Variants in ZNF628 observed in about 807,000 individuals in gnomAD.
ZNF628 encodes the protein zinc finger protein 628.
In ZNF628, 3 loss-of-function variants were observed where a neutral mutation model predicts 2.5. The ratio of observed to expected loss-of-function variants is 1.19; its 90% CI spans 0.54 to 3.07. The LOEUF (loss-of-function observed/expected upper bound fraction) is 3.07. Ranked by LOEUF, ZNF628 falls within the 30% of genes most tolerant of loss-of-function variation. The pLI is 0.03. For missense variants in ZNF628, 1,610 were observed against 1,517.1 expected, an observed-to-expected ratio of 1.06 and a Z score of -1.02; for synonymous variants, 861 against 717.1, an observed-to-expected ratio of 1.20 and a Z score of -3.21.
In ZNF628 at chr19:55,479,105, T is replaced by G. The variant is rs998756075; in HGVS notation, c.-77-729T>G. 6.6e-6 allele frequency among the ~76,000 whole-genome samples: 1 copy of G among 152,020 alleles called. No homozygotes were observed. The highest frequency in any genetic ancestry group is 2.4e-5 in the African/African-American group (1 of 41,374). ...AGAGGACAGACAGAGGACAAAGTGGTGCCGGAGCCCCGGGCGCTCCCACAT... is the reference window on the plus strand; with the variant it reads ...AGAGGACAGACAGAGGACAAAGTGGGGCCGGAGCCCCGGGCGCTCCCACAT... On this transcript the variant is annotated intron_variant, in intron 1 of 2. Coordinates refer to ENST00000598519, the MANE Select transcript of ZNF628 (RefSeq NM_033113.3). This position sits in a 1 kb window ranked among gnomAD's most constrained non-coding sequence, Gnocchi z 5.1.
In ZNF628 at chr19:55,481,995, C is replaced by A. The variant is rs982194756; in HGVS notation, c.802C>A (p.Pro268Thr). 7.7e-5 allele frequency: 112 copies of A among 1,463,598 alleles called. 1 individual carries two copies. The African/African-American group carries it at 1.5e-3, about 20-fold the overall frequency. 90.7% of individuals were successfully genotyped at this position (1,463,598 alleles called of 1,614,324 possible). A position where few individuals can be genotyped will look rare whatever the true frequency, so the allele number is the denominator to read the frequency against. The part of the protein sequence containing the change: ...RHLQPHSPPA[P>T]PAPPPPPPPV... ...CCTCCAGCCCCACAGCCCGCCCGCG[C>A]CTCCCGCCCCGCCGCCCCCGCCCCC... The change falls in exon 3 of 3, where the codon CCT (proline) becomes ACT (threonine). Residue 268 changes from proline to threonine, a missense_variant. Physicochemically the swap from Pro to Thr is conservative, Grantham distance 38 (BLOSUM62 -1). Transcript: ENST00000598519.
In ZNF628 at chr19:55,482,645, T is replaced by C. The variant is rs1392406021; in HGVS notation, c.1452T>C (p.Cys484=). 6.2e-7 allele frequency: 1 copy of C among 1,604,204 alleles called. No homozygotes were observed. The highest frequency in any genetic ancestry group is 1.1e-5 in the South Asian group (1 of 90,530). Reference sequence around the variant, plus strand: ...ACACGGGCGAGCGGCCCTACCAGTGTGGCGAGTGCGGCAAGGCCTTCAAGC... The same window carrying C: ...ACACGGGCGAGCGGCCCTACCAGTGCGGCGAGTGCGGCAAGGCCTTCAAGC... ...RDHTGERPYQ[C]GECGKAFKRS... is the part of the protein sequence containing the mutation. Residue 484 remains cysteine, a synonymous_variant, in exon 3 of 3, where the codon TGT becomes TGC. Transcript: ENST00000598519.
In ZNF628 at chr19:55,482,862, C is replaced by T. The variant is rs755866837; in HGVS notation, c.1669C>T (p.Arg557Cys). The T allele has an allele frequency of 1.3e-5, 21 of 1,603,304 alleles. No homozygotes were observed. The South Asian group carries it at 2.0e-4, about 15-fold the overall frequency. Reference sequence around the variant, plus strand: ...CAACACGTCGTGCCTGCGTCGCCACCGCCACGTGCACACTGGCGAGAGGCC... The same window carrying T: ...CAACACGTCGTGCCTGCGTCGCCACTGCCACGTGCACACTGGCGAGAGGCC... ...FRNTSCLRRH[R>C]HVHTGERPHA... The change falls in exon 3 of 3, where the codon CGC (arginine) becomes TGC (cysteine). Residue 557 changes from arginine to cysteine, a missense_variant. Arg to Cys is a radical substitution (Grantham distance 180). Transcript: ENST00000598519.
In ZNF628 at chr19:55,483,581, G is replaced by A. The variant is rs1350776684; in HGVS notation, c.2388G>A (p.Gly796=). The change falls in exon 3 of 3, where the codon GGG becomes GGA. Residue 796 remains glycine, a synonymous_variant. Coordinates refer to ENST00000598519, the MANE Select transcript of ZNF628 (RefSeq NM_033113.3). ...GAASAGASGT[G]QSLIVLQNVG... ...CCAGCGCTGGGGCCAGCGGGACAGGGCAGAGCCTCATCGTTCTGCAGAATG... is the reference window on the plus strand; with the variant it reads ...CCAGCGCTGGGGCCAGCGGGACAGGACAGAGCCTCATCGTTCTGCAGAATG... The A allele has an allele frequency of 1.9e-6, 3 of 1,610,788 alleles. No individual in the cohort carries two copies. The highest frequency in any genetic ancestry group is 4.5e-5 in the East Asian group (2 of 44,868).
rs1238684890 is a variant in ZNF628 at position 55,482,204 on chromosome 19, G to C, written c.1011G>C (p.Gln337His). 1.4e-5 allele frequency: 21 copies of C among 1,482,426 alleles called. No homozygotes were observed. The highest frequency in any genetic ancestry group is 1.9e-5 in the Non-Finnish European group (21 of 1,122,706). 91.8% of individuals were successfully genotyped at this position (1,482,426 alleles called of 1,614,324 possible). Residue 337 changes from glutamine (Q) to histidine (H), a missense_variant, in exon 3 of 3, where the codon CAG (glutamine) becomes CAC (histidine). Transcript: ENST00000598519. ...EAPAEAPKAD[Q>H]PPSPLPQPPP... is the part of the protein sequence containing the mutation. ...CCGCCGAGGCGCCCAAGGCCGACCA[G>C]CCACCGTCCCCTCTGCCGCAGCCCC...
chr19:55,479,889 G>T lies in ZNF628; in HGVS notation c.-22G>T. 2.5e-6 allele frequency: 1 copy of T among 401,304 alleles called. No homozygotes were observed. Among genetic ancestry groups the T allele is most frequent in the Non-Finnish European group, 4.4e-6 (1 of 227,368 alleles). 24.9% of individuals were successfully genotyped at this position (401,304 alleles called of 1,614,324 possible). A position where few individuals can be genotyped will look rare whatever the true frequency, so the allele number is the denominator to read the frequency against. ...AGAACAGGAGGGGAGAGGAGGGGCT[G>T]GAGGTTTCAGGAGAAAGAAGCATGT... is the stretch of plus-strand genomic sequence containing the variant. On this transcript the variant is annotated 5_prime_UTR_variant, in exon 2 of 3. The change creates a premature stop within an existing upstream ORF in the 5' untranslated region. Coordinates refer to ENST00000598519, the MANE Select transcript of ZNF628 (RefSeq NM_033113.3). This position sits in a 1 kb window ranked among gnomAD's most constrained non-coding sequence, Gnocchi z 5.1.
chr19:55,478,192 C>T (rs1179481417), intron 1 of ZNF628, among the ~76,000 whole-genome samples: 2 of 152,134 alleles, frequency 1.3e-5, no homozygotes, highest in East Asian at 1.9e-4. Context: ...ATGGTCTGGC[C>T]CCACATCTCA....
At position 55,483,981 on chromosome 19, in the gene ZNF628, G is replaced by A; in HGVS notation, c.2788G>A (p.Asp930Asn). Residue 930 changes from aspartate (D) to asparagine (N), a missense_variant, in exon 3 of 3, where the codon GAC (aspartate) becomes AAC (asparagine). Transcript: ENST00000598519. The part of the protein sequence containing the change: ...QDVLFETLQT[D>N]EGLQSVLVLS... ...TGTCCTCTTTGAGACACTCCAGACG[G>A]ACGAGGGCTTGCAGAGCGTGCTGGT... 1.3e-6 allele frequency: 2 copies of A among 1,578,748 alleles called. No individual in the cohort carries two copies. Among genetic ancestry groups the A allele is most frequent in the Non-Finnish European group, 1.7e-6 (2 of 1,160,408 alleles).
Position 55,483,463 on chromosome 19 carries a change from C to G in ZNF628, c.2270C>G (p.Ala757Gly), listed in dbSNP as rs749992158. The change falls in exon 3 of 3, where the codon GCA becomes GGA. Residue 757 changes from alanine (A) to glycine (G), a missense_variant. Physicochemically the swap from Ala to Gly is moderately conservative, Grantham distance 60. Around this residue, in one of 5 missense-constraint regions of ZNF628, gnomAD observed 712 missense variants for 603.6 expected, o/e 1.18. Coordinates refer to ENST00000598519, the MANE Select transcript of ZNF628 (RefSeq NM_033113.3). ...SSSAGAGGGRARQGPRAVGKA... is the reference protein window; with the variant it reads ...SSSAGAGGGRGRQGPRAVGKA... ...AGTGCTGGGGCTGGGGGCGGCCGTG[C>G]AAGGCAGGGCCCGCGGGCAGTGGGG... 3 of 1,517,220 alleles carry G rather than the reference C, an allele frequency of 2.0e-6. No homozygotes were observed. Among genetic ancestry groups the G allele is most frequent in the Non-Finnish European group, 2.6e-6 (3 of 1,135,598 alleles). The allele number at this position is 1,517,220 out of a possible 1,614,324, so 94.0% of individuals were successfully genotyped here.
Position 55,482,553 on chromosome 19 carries a change from T to C in ZNF628, c.1360T>C (p.Tyr454His). ...CGCCCCCGCTTCTGCGGAGCGGCCC[T>C]ACAAATGTGCCGAGTGCGGCAAGTC... ...PSAPASAERPYKCAECGKSFK... is the reference protein window; with the variant it reads ...PSAPASAERPHKCAECGKSFK... Residue 454 changes from tyrosine (Y) to histidine (H), a missense_variant, in exon 3 of 3, where the codon TAC (tyrosine) becomes CAC (histidine). Transcript: ENST00000598519. 6.7e-7 allele frequency: 1 copy of C among 1,494,470 alleles called. No homozygotes were observed. The highest frequency in any genetic ancestry group is 1.1e-5 in the South Asian group (1 of 87,514). 92.6% of individuals were successfully genotyped at this position (1,494,470 alleles called of 1,614,324 possible). A position where few individuals can be genotyped will look rare whatever the true frequency, so the allele number is the denominator to read the frequency against.
At position 55,482,322 on chromosome 19, in the gene ZNF628, A is replaced by G; in HGVS notation, c.1129A>G (p.Ser377Gly). ...TVAGLSRHQH[S>G]HGAAGGQAFR... ...GGCTGGGCTCTCCCGCCACCAGCAC[A>G]GCCACGGGGCTGCCGGCGGGCAAGC... is the stretch of plus-strand genomic sequence containing the variant. Residue 377 changes from serine to glycine, a missense_variant, in exon 3 of 3, where the codon AGC becomes GGC. By Grantham distance (56) the Ser-to-Gly change is moderately conservative. This residue lies in a region of ZNF628 where 651 missense variants were observed against 575.6 expected (regional missense o/e 1.13). Transcript: ENST00000598519. The G allele has an allele frequency of 6.8e-7, 1 of 1,462,360 alleles. No individual in the cohort carries two copies. The highest frequency in any genetic ancestry group is 1.5e-5 in the African/African-American group (1 of 67,422). The allele number at this position is 1,462,360 out of a possible 1,614,324, so 90.6% of individuals were successfully genotyped here.
In ZNF628 at chr19:55,481,363, C is replaced by T. The variant is rs151222239; in HGVS notation, c.170C>T (p.Thr57Met). The change falls in exon 3 of 3, where the codon ACG becomes ATG. Residue 57 changes from threonine (T) to methionine (M), a missense_variant. This residue lies in a region of ZNF628 where 166 missense variants were observed against 241.3 expected (regional missense o/e 0.69). Coordinates refer to ENST00000598519, the MANE Select transcript of ZNF628 (RefSeq NM_033113.3). ...WSSRLLHHQR[T>M]HTGERPYKCP... is the part of the protein sequence containing the mutation. ...TCCCGGCTCCTGCACCACCAGCGCA[C>T]GCACACAGGCGAGCGGCCCTACAAG... 2 of 1,612,794 alleles carry T rather than the reference C, an allele frequency of 1.2e-6. No homozygotes were observed. The highest frequency in any genetic ancestry group is 1.3e-5 in the African/African-American group (1 of 74,854).
chr19:55,482,509 T>TCCC lies in ZNF628; in HGVS notation c.1317_1319dup (p.Pro444dup), dbSNP rs2123413068. The TCCC allele has an allele frequency of 1.4e-6, 2 of 1,404,800 alleles. No individual in the cohort carries two copies. Among genetic ancestry groups the TCCC allele is most frequent in the South Asian group, 1.4e-5 (1 of 70,938 alleles). 87.0% of individuals were successfully genotyped at this position (1,404,800 alleles called of 1,614,324 possible). A position where few individuals can be genotyped will look rare whatever the true frequency, so the allele number is the denominator to read the frequency against. On this transcript the variant is annotated inframe_insertion, in exon 3 of 3. Coordinates refer to ENST00000598519, the MANE Select transcript of ZNF628 (RefSeq NM_033113.3). Reference sequence around the variant, plus strand: ...GAACCGCTGGCGCCTGCCGCCCCCGTCCCGCCGCCACCCCCGTCCGCCCCC... The same window carrying TCCC: ...GAACCGCTGGCGCCTGCCGCCCCCGTCCCCCCGCCGCCACCCCCGTCCGCCCCC...
rs1986799936 is a variant in ZNF628, at chr19:55,483,296, C to T, written c.2103C>T (p.Ser701=). 1.3e-6 allele frequency: 2 copies of T among 1,519,770 alleles called. No individual in the cohort carries two copies. Among genetic ancestry groups the T allele is most frequent in the Non-Finnish European group, 8.8e-7 (1 of 1,137,542 alleles). The allele number at this position is 1,519,770 out of a possible 1,614,324, so 94.1% of individuals were successfully genotyped here. Residue 701 remains serine, a synonymous_variant, in exon 3 of 3, where the codon AGC becomes AGT. Coordinates refer to ENST00000598519, the MANE Select transcript of ZNF628 (RefSeq NM_033113.3). The part of the protein sequence containing the change: ...EVAGGTAQAP[S]LGPAAPNSQT... ...CGGGGGGCACGGCCCAGGCCCCGAG[C>T]TTGGGGCCAGCAGCGCCCAACTCTC...
chr19:55,483,324 A>G lies in ZNF628; in HGVS notation c.2131A>G (p.Thr711Ala), dbSNP rs1986802032. 1 of 1,535,954 alleles carries G rather than the reference A, an allele frequency of 6.5e-7. No homozygotes were observed. The highest frequency in any genetic ancestry group is 2.0e-5 in the Admixed American group (1 of 50,290). The change falls in exon 3 of 3, where the codon ACG becomes GCG. Residue 711 changes from threonine to alanine, a missense_variant. Physicochemically the swap from Thr to Ala is moderately conservative, Grantham distance 58. This residue lies in a region of ZNF628 where 712 missense variants were observed against 603.6 expected (regional missense o/e 1.18). Coordinates refer to ENST00000598519, the MANE Select transcript of ZNF628 (RefSeq NM_033113.3). ...SLGPAAPNSQTFLLVQTAQGL... is the reference protein window; with the variant it reads ...SLGPAAPNSQAFLLVQTAQGL... ...GGGGCCAGCAGCGCCCAACTCTCAG[A>G]CGTTCCTCCTGGTGCAAACTGCCCA...
Position 55,481,484 on chromosome 19 carries a change from T to C in ZNF628, c.291T>C (p.Cys97=), listed in dbSNP as rs150246280. The C allele has an allele frequency of 6.0e-5, 95 of 1,593,540 alleles. 2 individuals carry two copies. The African/African-American group carries it at 9.2e-4, about 15-fold the overall frequency. ...AGCGGCCCTACCAGTGCCCCGACTGTCCCAAGGCCTTCAAGCGCTCCTCTC... is the reference window on the plus strand; with the variant it reads ...AGCGGCCCTACCAGTGCCCCGACTGCCCCAAGGCCTTCAAGCGCTCCTCTC... ...TGERPYQCPD[C]PKAFKRSSLL... The change falls in exon 3 of 3, where the codon TGT becomes TGC. Residue 97 remains cysteine (C), a synonymous_variant. Coordinates refer to ENST00000598519, the MANE Select transcript of ZNF628 (RefSeq NM_033113.3).
chr19:55,484,200 C>T lies in ZNF628; in HGVS notation c.3007C>T (p.Pro1003Ser), dbSNP rs1306083195. 1.3e-6 allele frequency: 2 copies of T among 1,547,282 alleles called. No individual in the cohort carries two copies. Among genetic ancestry groups the T allele is most frequent in the South Asian group, 2.4e-5 (2 of 83,634 alleles). ...CACCGCCACGCTGCAGCTCCTGGCCCCACCGCCGTCAGGCCCAGCCTCGGG... is the reference window on the plus strand; with the variant it reads ...CACCGCCACGCTGCAGCTCCTGGCCTCACCGCCGTCAGGCCCAGCCTCGGG... ...GGTATLQLLAPPPSGPASGPA... is the reference protein window; with the variant it reads ...GGTATLQLLASPPSGPASGPA... The change falls in exon 3 of 3, where the codon CCA (proline) becomes TCA (serine). Residue 1003 changes from proline (P) to serine (S), a missense_variant. By Grantham distance (74) the Pro-to-Ser change is moderately conservative. This residue lies in a region of ZNF628 where 712 missense variants were observed against 603.6 expected (regional missense o/e 1.18). Coordinates refer to ENST00000598519, the MANE Select transcript of ZNF628 (RefSeq NM_033113.3).
chr19:55,482,003 C>T lies in ZNF628; in HGVS notation c.810C>T (p.Ala270=). 1 of 1,465,348 alleles carries T rather than the reference C, an allele frequency of 6.8e-7. No individual in the cohort carries two copies. Among genetic ancestry groups the T allele is most frequent in the Non-Finnish European group, 9.0e-7 (1 of 1,113,154 alleles). 90.8% of individuals were successfully genotyped at this position (1,465,348 alleles called of 1,614,324 possible). Residue 270 remains alanine (A), a synonymous_variant, in exon 3 of 3, where the codon GCC becomes GCT. Coordinates refer to ENST00000598519, the MANE Select transcript of ZNF628 (RefSeq NM_033113.3). ...LQPHSPPAPP[A]PPPPPPPVVP... ...CCCACAGCCCGCCCGCGCCTCCCGC[C>T]CCGCCGCCCCCGCCCCCGCCCGTGG...
chr19:55,482,508 G>T lies in ZNF628; in HGVS notation c.1315G>T (p.Val439Phe). Residue 439 changes from valine to phenylalanine, a missense_variant, in exon 3 of 3, where the codon GTC becomes TTC. Coordinates refer to ENST00000598519, the MANE Select transcript of ZNF628 (RefSeq NM_033113.3). ...GGAACCGCTGGCGCCTGCCGCCCCC[G>T]TCCCGCCGCCACCCCCGTCCGCCCC... ...PQEPLAPAAPVPPPPPSAPAS... is the reference protein window; with the variant it reads ...PQEPLAPAAPFPPPPPSAPAS... The T allele has an allele frequency of 1.5e-6, 2 of 1,296,430 alleles. No homozygotes were observed. The highest frequency in any genetic ancestry group is 2.1e-6 in the Non-Finnish European group (2 of 971,498). The allele number at this position is 1,296,430 out of a possible 1,614,324, so 80.3% of individuals were successfully genotyped here.
Sources: allele counts gnomAD v4.1 joint callset (sites outside exome capture counted in the v4.1 genomes callset), GRCh38; gene constraint gnomAD v4.1.1; regional missense constraint gnomAD v4.1.1; non-coding constraint Gnocchi (gnomAD v3.1); transcripts MANE v1.5; gene names NCBI Gene and HGNC (gene_info 2026-07-23, HGNC 2026-07-21).